The following AGBL1 variants were observed in gnomAD, a reference collection of about 807,000 sequenced individuals.
The protein encoded by AGBL1 is AGBL carboxypeptidase 1.
In AGBL1, 130 loss-of-function variants were observed where a neutral mutation model predicts 118.9. The ratio of observed to expected loss-of-function variants is 1.09; its 90% confidence interval spans 0.95 to 1.26. The LOEUF (loss-of-function observed/expected upper bound fraction) is 1.26. Among genes scored for constraint, AGBL1 ranks in the 50% most tolerant of loss-of-function variants. The pLI, the probability that AGBL1 is intolerant of heterozygous loss-of-function variation, is 0.00. For missense variants in AGBL1, 1,584 were observed against 1,298.1 expected (o/e 1.22, Z -3.38); for synonymous variants, 555 against 478.9 (o/e 1.16, Z -2.08).
intron 18 of AGBL1, among the ~76,000 whole-genome samples, chr15:86,506,152 T>A (rs1019787246): frequency 6.6e-6 from 1 of 152,064 alleles, no homozygotes; most frequent in African/African-American, 2.4e-5. Flanking sequence ...TTTACATCTC[T>A]TCTTTAATCT....
intron 21 of AGBL1, among the ~76,000 whole-genome samples, chr15:86,646,727 A>T (rs2085285120): frequency 6.6e-6 from 1 of 152,210 alleles, no homozygotes; most frequent in Non-Finnish European, 1.5e-5. Flanking sequence ...CAATTTTGCC[A>T]TTAGTCAGTC....
chr15:86,657,245 C>G (rs1485452646), intron 21 of AGBL1, among the ~76,000 whole-genome samples: 1 of 152,160 alleles, frequency 6.6e-6, no homozygotes, highest in East Asian at 1.9e-4. Flanking sequence ...TGTACAAGTG[C>G]CGCGGGCTGA....
chr15:86,761,803 A>G (rs912750373), intron 22 of AGBL1, among the ~76,000 whole-genome samples: 1 of 152,030 alleles, frequency 6.6e-6, no homozygotes, highest in African/African-American at 2.4e-5. Context: ...CTCTGATGAT[A>G]GCTTTTTTTG....
At chr15:86,233,788 G>C (rs748851117) in intron 6 of AGBL1, among the ~76,000 whole-genome samples, 9 of 152,174 alleles carry the variant, frequency 5.9e-5, no homozygotes, top group Non-Finnish European at 1.2e-4. Context: ...AGTAAATTCT[G>C]AGTCTCTTGG....
At chr15:86,686,211 G>C (rs1179794839) in intron 22 of AGBL1, among the ~76,000 whole-genome samples, 1 of 152,100 alleles carries the variant, frequency 6.6e-6, no homozygotes, top group South Asian at 2.1e-4. Flanking sequence ...GATTGATCTA[G>C]TTTTTTTAAA....
intron 11 of AGBL1, among the ~76,000 whole-genome samples, chr15:86,265,348 G>A (rs1040230635): frequency 1.3e-5 from 2 of 152,178 alleles, no homozygotes; most frequent in Non-Finnish European, 2.9e-5. Flanking sequence ...AGAGCTGGCG[G>A]GGAGTTGATG....
At chr15:86,743,471 G>T (rs1484364668) in intron 22 of AGBL1, among the ~76,000 whole-genome samples, 3 of 152,068 alleles carry the variant, frequency 2.0e-5, no homozygotes, top group South Asian at 2.1e-4. Flanking sequence ...TGAGCTTCTG[G>T]CAAGAGAGCG....
At chr15:86,099,691 G>T (rs1896596121) in intron 1 of AGBL1, among the ~76,000 whole-genome samples, 1 of 151,992 alleles carries the variant, frequency 6.6e-6, no homozygotes, top group South Asian at 2.1e-4. Flanking sequence ...TGTATTTTTA[G>T]TAGAGATAGG....
intron 4 of AGBL1, among the ~76,000 whole-genome samples, chr15:86,154,903 C>T (rs933868186): frequency 2.0e-5 from 3 of 152,076 alleles, no homozygotes; most frequent in African/African-American, 7.2e-5. Flanking sequence ...TTTATTTAGT[C>T]CTTGTCACAT....
intron 21 of AGBL1, among the ~76,000 whole-genome samples, chr15:86,603,075 G>A (rs2084521200): frequency 6.6e-6 from 1 of 152,134 alleles, no homozygotes; most frequent in South Asian, 2.1e-4. Context: ...GGCAGTATTG[G>A]TCCACATGCA....
chr15:86,636,935 A>G (rs2085107151), intron 21 of AGBL1, among the ~76,000 whole-genome samples: 1 of 151,108 alleles, frequency 6.6e-6, no homozygotes, highest in East Asian at 2.0e-4. Flanking sequence ...GGATTTAGAG[A>G]TTTATAAGAA....
chr15:86,753,350 A>C (rs957142020), intron 22 of AGBL1, among the ~76,000 whole-genome samples: 1 of 151,514 alleles, frequency 6.6e-6, no homozygotes, highest in Non-Finnish European at 1.5e-5. Context: ...AGGGACACAC[A>C]AGAGTAACCT....
rs1322404140 is a variant in AGBL1, at chr15:86,615,879, T to C, written c.2995-58394T>C. Among the ~76,000 whole-genome samples, 2 of 152,008 alleles carry C rather than the reference T, an allele frequency of 1.3e-5. No homozygotes were observed. The highest frequency in any genetic ancestry group is 2.9e-5 in the Non-Finnish European group (2 of 68,008). ...TTAATAGGGATGACAGTGTTGGGGT[T>C]ATACATACATTGATAGGGGGCATCA... On this transcript the variant is annotated intron_variant, in intron 21 of 22. Coordinates refer to ENST00000614907, the MANE Select transcript of AGBL1 (RefSeq NM_001386094.1). The surrounding 1 kb of genome is among the most constrained non-coding windows in gnomAD (Gnocchi z 4.3).
intron 21 of AGBL1, among the ~76,000 whole-genome samples, chr15:86,627,465 T>C (rs1472974442): frequency 6.6e-6 from 1 of 152,164 alleles, no homozygotes; most frequent in Non-Finnish European, 1.5e-5. Context: ...ATGTGAAGAC[T>C]TGGCCTCTGA....
intron 21 of AGBL1, among the ~76,000 whole-genome samples, chr15:86,578,521 T>C (rs1440929809): frequency 6.6e-6 from 1 of 152,062 alleles, no homozygotes; most frequent in Non-Finnish European, 1.5e-5. Flanking sequence ...GCATGATTGG[T>C]TTTGAAATGT....
chr15:87,028,973 G>A (rs1207812985), exon 25 of AGBL1: 1 of 957,370 alleles, frequency 1.0e-6, no homozygotes, highest in African/African-American at 1.6e-5. Context: ...CATCATCCCT[G>A]CACTCCCTTA....
chr15:86,675,908 T>A (rs923508318), intron 22 of AGBL1, among the ~76,000 whole-genome samples: 1 of 152,180 alleles, frequency 6.6e-6, no homozygotes, highest in African/African-American at 2.4e-5. Flanking sequence ...GCCTGCAAAC[T>A]GGAACAAAAA....
intron 6 of AGBL1, among the ~76,000 whole-genome samples, chr15:86,244,466 T>A (rs1040680208): frequency 2.0e-5 from 3 of 152,184 alleles, no homozygotes; most frequent in Admixed American, 2.0e-4. Context: ...TAGATACGTA[T>A]TGACTTTTGC....
intron 17 of AGBL1, among the ~76,000 whole-genome samples, chr15:86,330,424 C>T (rs137963351): frequency 7.2e-4 from 110 of 152,078 alleles, no homozygotes; most frequent in South Asian, 3.7e-3. Flanking sequence ...GGTCACATTC[C>T]GTAGGGAAGA....
Sources: gnomAD v4.1 joint callset for allele counts (sites outside exome capture counted in the v4.1 genomes callset) on GRCh38, gnomAD v4.1.1 for gene constraint, Gnocchi (gnomAD v3.1) non-coding constraint, MANE v1.5 for transcripts, NCBI Gene and HGNC (gene_info 2026-07-23, HGNC 2026-07-21) for gene names.